Variants in MAST4 observed in about 807,000 individuals in gnomAD.
MAST4 encodes the protein microtubule-associated serine/threonine-protein kinase 4.
MAST4 carries 89 observed loss-of-function variants against 162.7 expected under a neutral mutation model. That is an observed-to-expected ratio of 0.55 (90% CI 0.46 to 0.65). MAST4 has a LOEUF of 0.65. MAST4 is among the 30% of genes least tolerant of loss of function. MAST4 has a pLI of 0.00. For synonymous variants in MAST4, 1,479 were observed against 1,361.1 expected (o/e 1.09, Z -1.91); for missense variants, 3,153 against 3,374.0 (o/e 0.93, Z 1.62).
chr5:66,710,831 A>G (rs1750450142), intron 1 of MAST4, among the ~76,000 whole-genome samples: 1 of 152,340 alleles, frequency 6.6e-6, no homozygotes, highest in Non-Finnish European at 1.5e-5. Flanking sequence ...TAATAATTAA[A>G]ACAACATGTA....
rs150887206 is a variant in MAST4, at chr5:66,736,315, A to ATTT, written c.364-23378_364-23376dup. Among the ~76,000 whole-genome samples, 137 of 139,010 alleles carry ATTT rather than the reference A, an allele frequency of 9.9e-4. 2 individuals carry two copies. Among genetic ancestry groups the ATTT allele is most frequent in the African/African-American group, 3.4e-3 (129 of 37,470 alleles). 91.2% of individuals were successfully genotyped at this position (139,010 alleles called of 152,430 possible). ...ACTTTGGCAACCATGTAGTGAGGGA[A>ATTT]TTTTTTTTTTTTTTTTTTGGTCCTT... On this transcript the variant is annotated intron_variant, in intron 1 of 28. Coordinates refer to ENST00000403625, the MANE Select transcript of MAST4 (RefSeq NM_001164664.2).
intron 4 of MAST4, chr5:66,917,156 C>T (rs1343418025): frequency 1.3e-5 from 8 of 607,238 alleles, no homozygotes; most frequent in African/African-American, 7.3e-5. Flanking sequence ...AATCTTATTA[C>T]CCCTGGTCAT....
At chr5:66,939,422 G>C (rs535450691) in intron 4 of MAST4, among the ~76,000 whole-genome samples, 1 of 152,046 alleles carries the variant, frequency 6.6e-6, no homozygotes, top group Non-Finnish European at 1.5e-5. Flanking sequence ...TTTTAACAAT[G>C]TTTATATTTT....
chr5:66,958,275 G>C (rs1022676088), intron 4 of MAST4, among the ~76,000 whole-genome samples: 2 of 152,138 alleles, frequency 1.3e-5, no homozygotes, highest in African/African-American at 4.8e-5. Flanking sequence ...GGGTTGCCAA[G>C]TTTTAAAACA....
intron 24 of MAST4, 102 bp from the exon 25 acceptor site, chr5:67,152,535 T>G: frequency 1.2e-6 from 1 of 840,736 alleles, no homozygotes; most frequent in East Asian, 2.4e-5. Context: ...ATTTGTGTTG[T>G]GACTATGCCC....
chr5:66,965,660 G>T (rs1220306302), intron 4 of MAST4, among the ~76,000 whole-genome samples: 1 of 151,584 alleles, frequency 6.6e-6, no homozygotes, highest in African/African-American at 2.4e-5. Flanking sequence ...CATAGTATAT[G>T]GTAGAAATAA....
intron 4 of MAST4, among the ~76,000 whole-genome samples, chr5:66,920,618 G>A (rs775974611): frequency 6.6e-6 from 1 of 152,032 alleles, no homozygotes; most frequent in Non-Finnish European, 1.5e-5. Flanking sequence ...AGCCTCCCGA[G>A]TAGCTGGGAT....
intron 3 of MAST4, among the ~76,000 whole-genome samples, chr5:66,884,888 T>C (rs901248331): frequency 5.9e-5 from 9 of 152,216 alleles, no homozygotes; most frequent in African/African-American, 2.2e-4. Flanking sequence ...ACCTTGCAAA[T>C]AGGTGAAAGG....
At chr5:67,036,732 A>G (rs189825095) in intron 4 of MAST4, among the ~76,000 whole-genome samples, 7 of 152,224 alleles carry the variant, frequency 4.6e-5, no homozygotes, top group Non-Finnish European at 7.4e-5. Context: ...TACAGATGCA[A>G]TTTTTTTCAC....
intron 7 of MAST4, 53 bp downstream of exon 7, chr5:67,095,728 TTACACAGGCAGTG>T: frequency 7.5e-7 from 1 of 1,330,180 alleles, no homozygotes; most frequent in Non-Finnish European, 1.0e-6. Context: ...AACAGAGCTA[TTACACAGGCAGTG>T]TTTTCTCTGG....
chr5:66,621,817 T>C (rs1744094511), intron 1 of MAST4, among the ~76,000 whole-genome samples: 1 of 152,156 alleles, frequency 6.6e-6, no homozygotes, highest in African/African-American at 2.4e-5. Context: ...AGGCAGATAA[T>C]ATGTCAGGCA....
intron 3 of MAST4, among the ~76,000 whole-genome samples, chr5:66,822,911 T>G (rs555921100): frequency 9.2e-5 from 14 of 152,290 alleles, no homozygotes; most frequent in Admixed American, 2.0e-4. Context: ...TGGTATCTTA[T>G]CCCAGCTGAT....
intron 4 of MAST4, chr5:66,959,048 C>T (rs1013790194): frequency 2.4e-5 from 14 of 595,062 alleles, no homozygotes; most frequent in South Asian, 1.2e-4. Context: ...TGTGCACTGC[C>T]GTTAACCTGA....
intron 4 of MAST4, among the ~76,000 whole-genome samples, chr5:67,027,187 TAAGA>T (rs1404981621): frequency 4.6e-5 from 7 of 152,184 alleles, no homozygotes; most frequent in African/African-American, 1.7e-4. Context: ...AATGTTGTAC[TAAGA>T]AAGGTGATTT....
intron 3 of MAST4, among the ~76,000 whole-genome samples, chr5:66,817,635 C>T (rs1224155253): frequency 1.3e-5 from 2 of 151,964 alleles, no homozygotes; most frequent in Non-Finnish European, 2.9e-5. Flanking sequence ...GTTAATATAC[C>T]AAAATATTCA....
chr5:66,831,544 A>C (rs1033220140), intron 3 of MAST4, among the ~76,000 whole-genome samples: 16 of 152,210 alleles, frequency 1.1e-4, no homozygotes, highest in Non-Finnish European at 2.2e-4. Context: ...ACACGAGACT[A>C]TTAGTGGTGT....
intron 3 of MAST4, among the ~76,000 whole-genome samples, chr5:66,853,069 G>T (rs1421836437): frequency 1.3e-5 from 2 of 152,172 alleles, no homozygotes; most frequent in East Asian, 1.9e-4. Flanking sequence ...ATATATTCTG[G>T]TTTCTATTCC....
rs1041077240 is a variant in MAST4 at position 67,102,593 on chromosome 5, C to T, written c.1128C>T (p.Tyr376=). Residue 376 remains tyrosine (Y), a synonymous_variant, in exon 9 of 29, where the codon TAC becomes TAT. Transcript: ENST00000403625. ...DHEIIMMNHV[Y]KERFPKATAQ... ...AAATAATTATGATGAACCATGTCTA[C>T]AAAGAAAGGTTCCCAAAGGTAATGA... 3 of 1,613,646 alleles carry T rather than the reference C, an allele frequency of 1.9e-6. No homozygotes were observed. Among genetic ancestry groups the T allele is most frequent in the Admixed American group, 3.3e-5 (2 of 60,008 alleles).
chr5:66,853,285 C>CGT, intron 3 of MAST4, among the ~76,000 whole-genome samples: 1 of 152,100 alleles, frequency 6.6e-6, no homozygotes, highest in South Asian at 2.1e-4. Flanking sequence ...TAATAGGTCC[C>CGT]GTGTGTGTGT....
Sources: gnomAD v4.1 joint callset for allele counts (sites outside exome capture counted in the v4.1 genomes callset) on GRCh38, gnomAD v4.1.1 for gene constraint, MANE v1.5 for transcripts, NCBI Gene and HGNC (gene_info 2026-07-23, HGNC 2026-07-21) for gene names.